Variants in KIAA1217 observed in about 807,000 individuals in gnomAD.
KIAA1217 encodes the protein sickle tail protein homolog.
A neutral mutation model predicts 163.9 loss-of-function variants in KIAA1217; 88 were observed. That is an observed-to-expected ratio of 0.54 (90% CI 0.45 to 0.64). The LOEUF is 0.64. KIAA1217 is among the 30% of genes least tolerant of loss of function. The probability of loss-of-function intolerance (pLI) is 0.00; values close to 1 mark genes in which losing one functional copy is unlikely to be tolerated. For missense variants in KIAA1217, 2,372 were observed against 2,475.0 expected (o/e 0.96, Z 0.88); for synonymous variants, 903 against 923.1 (o/e 0.98, Z 0.39).
chr10:24,120,332 A>T (rs953985088), intron 2 of KIAA1217, among the ~76,000 whole-genome samples: 2 of 152,190 alleles, frequency 1.3e-5, no homozygotes, highest in African/African-American at 4.8e-5. Flanking sequence ...ATGGCCATGA[A>T]CCCACCCTTG....
intron 6 of KIAA1217, among the ~76,000 whole-genome samples, chr10:24,479,996 G>A (rs1463123966): frequency 6.6e-6 from 1 of 152,120 alleles, no homozygotes. Flanking sequence ...TGCCACGTGG[G>A]GGATCACATT....
intron 2 of KIAA1217, among the ~76,000 whole-genome samples, chr10:24,092,050 A>G (rs2061957030): frequency 6.6e-6 from 1 of 150,868 alleles, no homozygotes; most frequent in Non-Finnish European, 1.5e-5. Flanking sequence ...AAACCTCACT[A>G]TCTCCTTCCT....
chr10:24,083,898 G>T lies in KIAA1217; in HGVS notation c.-171+76524G>T, dbSNP rs772993677. Reference sequence around the variant, plus strand: ...AGCAGGTCAAGCAAGTAAATGATCAGTTCCTTTGAGGGCCTGTCGCATTTC... The same window carrying T: ...AGCAGGTCAAGCAAGTAAATGATCATTTCCTTTGAGGGCCTGTCGCATTTC... On this transcript the variant is annotated intron_variant, in intron 2 of 18. Transcript: ENST00000376462. 5.9e-5 allele frequency among the ~76,000 whole-genome samples: 9 copies of T among 152,220 alleles called. No individual in the cohort carries two copies. In the South Asian group the frequency reaches 1.9e-3, roughly 32 times the overall value.
intron 1 of KIAA1217, among the ~76,000 whole-genome samples, chr10:23,724,621 T>C (rs1838036213): frequency 6.6e-6 from 1 of 152,122 alleles, no homozygotes. Flanking sequence ...GTCTCTCAAA[T>C]TTTACCCCTA....
intron 1 of KIAA1217, among the ~76,000 whole-genome samples, chr10:23,970,211 G>A (rs997507842): frequency 6.6e-6 from 1 of 152,188 alleles, no homozygotes; most frequent in Admixed American, 6.5e-5. Context: ...TCAAATGCAA[G>A]ATCCCAAAGG....
At chr10:24,131,850 G>T (rs1181804699) in intron 2 of KIAA1217, among the ~76,000 whole-genome samples, 5 of 152,152 alleles carry the variant, frequency 3.3e-5, no homozygotes, top group Non-Finnish European at 5.9e-5. Context: ...GTTCCTCGAA[G>T]AATTTCCTTA....
intron 1 of KIAA1217, among the ~76,000 whole-genome samples, chr10:24,210,806 G>A (rs1329007932): frequency 1.3e-5 from 2 of 152,122 alleles, no homozygotes; most frequent in Non-Finnish European, 2.9e-5. Context: ...CAAGTTTCAG[G>A]GGGTGGGGAG....
chr10:24,347,224 A>T (rs2047902571), intron 2 of KIAA1217, among the ~76,000 whole-genome samples: 1 of 152,170 alleles, frequency 6.6e-6, no homozygotes, highest in South Asian at 2.1e-4. Context: ...CAGCACCATG[A>T]AAAGTGTGTT....
intron 2 of KIAA1217, among the ~76,000 whole-genome samples, chr10:24,008,774 G>A (rs1312235674): frequency 6.6e-6 from 1 of 152,130 alleles, no homozygotes; most frequent in African/African-American, 2.4e-5. Context: ...AGAAGCCAGG[G>A]ATCAGACATT....
intron 1 of KIAA1217, among the ~76,000 whole-genome samples, chr10:23,803,504 T>A (rs1301204602): frequency 6.6e-6 from 1 of 151,992 alleles, no homozygotes; most frequent in East Asian, 1.9e-4. Flanking sequence ...TCGGCTGAGG[T>A]TTCTTTTGAA....
intron 6 of KIAA1217, chr10:24,482,377 G>C (rs992525307): frequency 2.0e-5 from 3 of 151,212 alleles, no homozygotes; most frequent in Admixed American, 1.3e-4. Context: ...AGATAACTCG[G>C]TCCTTTGCCA....
intron 10 of KIAA1217, among the ~76,000 whole-genome samples, chr10:24,517,341 G>T (rs1338784989): frequency 1.3e-5 from 2 of 152,086 alleles, no homozygotes; most frequent in East Asian, 3.9e-4. Flanking sequence ...TAGAAGAGAA[G>T]AACTAGAATG....
intron 2 of KIAA1217, among the ~76,000 whole-genome samples, chr10:24,068,246 C>G (rs1033777831): frequency 6.6e-6 from 1 of 152,232 alleles, no homozygotes; most frequent in Non-Finnish European, 1.5e-5. Context: ...ACACTGGGAG[C>G]TGTAGACTGG....
intron 1 of KIAA1217, among the ~76,000 whole-genome samples, chr10:23,785,366 C>G (rs1835444774): frequency 6.6e-6 from 1 of 152,164 alleles, no homozygotes; most frequent in South Asian, 2.1e-4. Context: ...CAGGTACCCC[C>G]TTACCCCTGT....
intron 2 of KIAA1217, among the ~76,000 whole-genome samples, chr10:24,072,940 C>T (rs2061237604): frequency 6.6e-6 from 1 of 151,882 alleles, no homozygotes; most frequent in Non-Finnish European, 1.5e-5. Flanking sequence ...TGCCTGTAAT[C>T]CCAGCTACTC....
rs111359112 is a variant in KIAA1217 at position 24,438,598 on chromosome 10, A to C, written c.846+119A>C. ...GAGTTTTGGAGGGTTCTCCGCACTC[A>C]TCTCACCTAGTGGATCATTATTTGT... On this transcript the variant is annotated intron_variant, in intron 5 of 20. Transcript: ENST00000376454. 1,326 of 662,648 alleles carry C rather than the reference A, an allele frequency of 2.0e-3. 10 individuals carry two copies. In the African/African-American group the frequency reaches 0.02, roughly 10 times the overall value. The allele number at this position is 662,648 out of a possible 1,614,324, so 41.0% of individuals were successfully genotyped here. A position where few individuals can be genotyped will look rare whatever the true frequency, so the allele number is the denominator to read the frequency against.
In KIAA1217 at chr10:23,993,145, C is replaced by T. The variant is rs182694269; in HGVS notation, c.-320-14080C>T. Among the ~76,000 whole-genome samples, 963 of 150,770 alleles carry T rather than the reference C, an allele frequency of 6.4e-3. 10 individuals carry two copies. The highest frequency in any genetic ancestry group is 0.022 in the African/African-American group (903 of 41,030). On this transcript the variant is annotated intron_variant, in intron 1 of 18. Transcript: ENST00000376462. Reference sequence around the variant, plus strand: ...CTCCCGGATTCAAGCAATTCTCCTGCCTCAGCCTCCCAAGTAGCTGGGATT... The same window carrying T: ...CTCCCGGATTCAAGCAATTCTCCTGTCTCAGCCTCCCAAGTAGCTGGGATT...
intron 5 of KIAA1217, among the ~76,000 whole-genome samples, chr10:24,467,550 G>C (rs936934105): frequency 1.3e-5 from 2 of 152,162 alleles, no homozygotes; most frequent in African/African-American, 2.4e-5. Context: ...TTCAGATAAG[G>C]GGTTAGAAGA....
intron 1 of KIAA1217, among the ~76,000 whole-genome samples, chr10:23,925,802 A>G (rs185600166): frequency 6.6e-6 from 1 of 152,244 alleles, no homozygotes; most frequent in Admixed American, 6.5e-5. Flanking sequence ...ATGAATTCCT[A>G]CAAGCTTAGG....
Sources: allele counts gnomAD v4.1 joint callset (sites outside exome capture counted in the v4.1 genomes callset), GRCh38; gene constraint gnomAD v4.1.1; transcripts MANE v1.5; gene names NCBI Gene and HGNC (gene_info 2026-07-23, HGNC 2026-07-21).